The following ANK2 variants were observed in gnomAD, a reference collection of about 807,000 sequenced individuals.
ANK2 encodes ankyrin 2.
ANK2 carries 83 observed loss-of-function variants against 360.5 expected under a neutral mutation model. The ratio of observed to expected loss-of-function variants is 0.23; its 90% CI spans 0.19 to 0.28. The LOEUF is 0.28. Ranked by LOEUF, ANK2 falls within the 10% of genes least tolerant of loss-of-function variation. The pLI is 1.00. For synonymous variants in ANK2, 1,740 were observed against 1,759.5 expected, an observed-to-expected ratio of 0.99 and a Z score of 0.28; for missense variants, 4,201 against 4,795.7, an observed-to-expected ratio of 0.88 and a Z score of 3.66.
At chr4:112,958,563 C>T (rs964460663) in intron 2 of ANK2, among the ~76,000 whole-genome samples, 3 of 152,100 alleles carry the variant, frequency 2.0e-5, no homozygotes, top group South Asian at 4.1e-4. Context: ...AGCTTCGGCT[C>T]GGCATCAGAG....
At chr4:113,047,822 A>G (rs1461026171), upstream of ANK2, among the ~76,000 whole-genome samples, 1 of 152,030 alleles carries the variant, frequency 6.6e-6, no homozygotes, top group Non-Finnish European at 1.5e-5. Context: ...AGCAAAACAG[A>G]GTTGACTCCA....
chr4:112,850,327 A>ATCTG (rs1198654198), intron 1 of ANK2, among the ~76,000 whole-genome samples: 2 of 119,160 alleles, frequency 1.7e-5, no homozygotes, highest in African/African-American at 6.8e-5. Context: ...CCATCCATTC[A>ATCTG]TCTGTCCATC....
At chr4:113,296,449 G>C (rs1344522475) in intron 22 of ANK2, among the ~76,000 whole-genome samples, 1 of 152,168 alleles carries the variant, frequency 6.6e-6, no homozygotes, top group Non-Finnish European at 1.5e-5. Context: ...GGATTTGTAT[G>C]ATGTGCCATA....
chr4:112,733,547 T>G, the ANK2 span, among the ~76,000 whole-genome samples: 12 of 152,186 alleles, frequency 7.9e-5, no homozygotes, highest in Non-Finnish European at 1.5e-4. Context: ...ACCATGACTT[T>G]GCAAATTAGA....
intron 1 of ANK2, among the ~76,000 whole-genome samples, chr4:113,098,784 A>G (rs1305801977): frequency 6.6e-6 from 1 of 152,042 alleles, no homozygotes; most frequent in East Asian, 1.9e-4. Flanking sequence ...AAAATATTGA[A>G]CAGAAAGATT....
the ANK2 span, among the ~76,000 whole-genome samples, chr4:112,806,964 G>A: frequency 3.9e-5 from 6 of 152,336 alleles, no homozygotes; most frequent in Middle Eastern, 3.4e-3. Context: ...TTGTTTAAGA[G>A]TGTGCTGGGA....
intron 2 of ANK2, among the ~76,000 whole-genome samples, chr4:112,969,932 G>A (rs2038840326): frequency 6.6e-6 from 1 of 152,042 alleles, no homozygotes; most frequent in Non-Finnish European, 1.5e-5. Flanking sequence ...GCAGGCCCCT[G>A]TCATATATAT....
the ANK2 span, among the ~76,000 whole-genome samples, chr4:112,805,797 G>A: frequency 2.0e-5 from 3 of 152,052 alleles, no homozygotes; most frequent in Non-Finnish European, 4.4e-5. Context: ...GGTCAGGCTC[G>A]AACTCCTGAC....
chr4:113,244,660 CA>C (rs1198187651), intron 9 of ANK2, among the ~76,000 whole-genome samples: 3 of 152,258 alleles, frequency 2.0e-5, no homozygotes, highest in African/African-American at 7.2e-5. Context: ...GGTGCATATG[CA>C]GAACATACAG....
At chr4:112,834,884 G>T (rs568708133) in intron 1 of ANK2, among the ~76,000 whole-genome samples, 1 of 152,274 alleles carries the variant, frequency 6.6e-6, no homozygotes, top group Admixed American at 6.5e-5. Flanking sequence ...TTCTGTAGAA[G>T]GCCCCACCTT....
the ANK2 span, among the ~76,000 whole-genome samples, chr4:112,726,401 A>G: frequency 6.6e-6 from 1 of 152,086 alleles, no homozygotes; most frequent in East Asian, 1.9e-4. Flanking sequence ...CCTCAGACAT[A>G]TTTTCACTCT....
intron 1 of ANK2, among the ~76,000 whole-genome samples, chr4:113,068,011 G>A (rs1187490250): frequency 6.6e-6 from 1 of 152,190 alleles, no homozygotes; most frequent in African/African-American, 2.4e-5. Flanking sequence ...GCTCTTAAAA[G>A]TCTATTTATC....
chr4:113,354,425 G>A lies in ANK2; in HGVS notation c.5807G>A (p.Arg1936His), dbSNP rs773045751. ...GTATCGCCTGGGAGAACAGAAAAAC[G>A]CTTGCCTGTTTCACCCTCCGGAAGA... ...PPVSPGRTEK[R>H]LPVSPSGRTD... Residue 1936 changes from arginine (R) to histidine (H), a missense_variant, in exon 38 of 46, where the codon CGC (arginine) becomes CAC (histidine). By Grantham distance (29) the Arg-to-His change is conservative (BLOSUM62 0). Transcript: ENST00000357077. 26 of 1,613,834 alleles carry A rather than the reference G, an allele frequency of 1.6e-5. No homozygotes were observed. Among genetic ancestry groups the A allele is most frequent in the East Asian group, 4.5e-5 (2 of 44,866 alleles).
chr4:113,021,541 C>CACACACACACACACAT lies in ANK2; in HGVS notation c.21+117028_21+117029insCACACACACACACATA, dbSNP rs1489947974. Among the ~76,000 whole-genome samples, 327 of 95,628 alleles carry CACACACACACACACAT rather than the reference C, an allele frequency of 3.4e-3. 20 individuals are homozygous for CACACACACACACACAT. Among genetic ancestry groups the CACACACACACACACAT allele is most frequent in the Admixed American group, 5.6e-3 (50 of 8,854 alleles). The allele number at this position is 95,628 out of a possible 152,430, so 62.7% of individuals were successfully genotyped here. On this transcript the variant is annotated intron_variant, in intron 2 of 30. Transcript: ENST00000503271. ...ATACACACACACACCCACACACAAA[C>CACACACACACACACAT]ATATATATATATATATATATATATA...
chr4:112,952,717 A>G (rs1374691296), intron 2 of ANK2, among the ~76,000 whole-genome samples: 1 of 152,188 alleles, frequency 6.6e-6, no homozygotes, highest in Non-Finnish European at 1.5e-5. Context: ...GAGCAAAATT[A>G]TTATCATACA....
At chr4:112,961,511 T>G (rs2034821377) in intron 2 of ANK2, among the ~76,000 whole-genome samples, 1 of 152,184 alleles carries the variant, frequency 6.6e-6, no homozygotes, top group Admixed American at 6.5e-5. Flanking sequence ...CCTCATTTCT[T>G]TAATGTGTTT....
intron 16 of ANK2, 84 bp downstream of exon 16, chr4:113,278,019 T>G (rs1586907524): frequency 4.5e-6 from 6 of 1,321,506 alleles, no homozygotes; most frequent in Non-Finnish European, 5.3e-6. Flanking sequence ...CTCACTTCTC[T>G]GAAAGGAATG....
intron 7 of ANK2, among the ~76,000 whole-genome samples, chr4:113,238,005 A>G (rs1393100757): frequency 6.6e-6 from 1 of 151,990 alleles, no homozygotes; most frequent in Non-Finnish European, 1.5e-5. Flanking sequence ...TCTGCCACTG[A>G]GTTTTGTCTT....
intron 2 of ANK2, among the ~76,000 whole-genome samples, chr4:112,957,032 T>TA (rs1166560696): frequency 1.3e-4 from 17 of 132,398 alleles, no homozygotes; most frequent in South Asian, 2.6e-4. Context: ...TTTTTTTTTT[T>TA]AATTGATCAT....
Sources: allele counts gnomAD v4.1 joint callset (sites outside exome capture counted in the v4.1 genomes callset), GRCh38; gene constraint gnomAD v4.1.1; transcripts MANE v1.5; gene names NCBI Gene and HGNC (gene_info 2026-07-23, HGNC 2026-07-21).